The following STARD13 variants were observed in gnomAD, a reference collection of about 807,000 sequenced individuals.
STARD13 encodes StAR related lipid transfer domain containing 13.
In STARD13, 62 loss-of-function variants were observed where a neutral mutation model predicts 106.4. The observed-to-expected ratio is 0.58, with a 90% CI of 0.48 to 0.72. STARD13 has a LOEUF of 0.72. STARD13 is among the 30% of genes least tolerant of loss of function. The probability of loss-of-function intolerance (pLI) is 0.00; values close to 1 mark genes in which losing one functional copy is unlikely to be tolerated. For missense variants in STARD13, 1,387 were observed against 1,424.0 expected, an observed-to-expected ratio of 0.97 and a Z score of 0.42; for synonymous variants, 565 against 553.0, an observed-to-expected ratio of 1.02 and a Z score of -0.31.
chr13:33,465,202 T>A, the STARD13 span, among the ~76,000 whole-genome samples: 10 of 27,352 alleles, frequency 3.7e-4, no homozygotes, highest in African/African-American at 1.2e-3. Context: ...GGTCTTCTTC[T>A]TTTTTTTTTT....
chr13:33,292,128 C>T (rs564748406), intron 1 of STARD13, among the ~76,000 whole-genome samples: 15 of 152,222 alleles, frequency 9.9e-5, no homozygotes, highest in Non-Finnish European at 2.1e-4. Flanking sequence ...GGGGTAAAAT[C>T]CATTCACAGA....
At chr13:33,414,207 T>C in the STARD13 span, among the ~76,000 whole-genome samples, 2 of 152,196 alleles carry the variant, frequency 1.3e-5, no homozygotes, top group Admixed American at 1.3e-4. Context: ...AGAGAAACTA[T>C]ATCCCTCTGA....
the STARD13 span, among the ~76,000 whole-genome samples, chr13:33,386,965 C>T: frequency 6.6e-6 from 1 of 152,070 alleles, no homozygotes; most frequent in Non-Finnish European, 1.5e-5. Flanking sequence ...CATAGGCCTG[C>T]TAATATCTTG....
chr13:33,654,471 A>G, the STARD13 span, among the ~76,000 whole-genome samples: 2 of 151,822 alleles, frequency 1.3e-5, no homozygotes, highest in African/African-American at 2.4e-5. Context: ...GGGGAAGGGG[A>G]GAATGGGGGC....
At chr13:33,187,279 G>T (rs1594073610) in intron 1 of STARD13, among the ~76,000 whole-genome samples, 1 of 152,210 alleles carries the variant, frequency 6.6e-6, no homozygotes. Flanking sequence ...GAGTTGCTGA[G>T]AACTGCCCAC....
chr13:33,651,283 C>T, the STARD13 span, among the ~76,000 whole-genome samples: 26 of 152,036 alleles, frequency 1.7e-4, no homozygotes, highest in Admixed American at 1.7e-3. Context: ...CGAATTATTC[C>T]CCAACTCACT....
chr13:33,295,803 G>A (rs1333274938), intron 1 of STARD13, among the ~76,000 whole-genome samples: 5 of 152,274 alleles, frequency 3.3e-5, no homozygotes, highest in Admixed American at 6.5e-5. Context: ...ATACCTGGGC[G>A]AGAAGGCTAG....
chr13:33,271,097 T>C (rs902466510), intron 1 of STARD13, among the ~76,000 whole-genome samples: 2 of 152,200 alleles, frequency 1.3e-5, no homozygotes, highest in Non-Finnish European at 2.9e-5. Flanking sequence ...AGAACATTGA[T>C]ACTTTTTTCT....
the STARD13 span, among the ~76,000 whole-genome samples, chr13:33,420,112 C>A: frequency 3.3e-5 from 5 of 152,122 alleles, no homozygotes; most frequent in African/African-American, 1.2e-4. Context: ...CAATATTAAC[C>A]TTAAATGTAA....
intron 7 of STARD13, among the ~76,000 whole-genome samples, chr13:33,118,685 T>G (rs1463307591): frequency 6.6e-6 from 1 of 152,132 alleles, no homozygotes; most frequent in African/African-American, 2.4e-5. Flanking sequence ...GCCATGGGGA[T>G]TTTGAGAACG....
chr13:33,500,533 A>T, the STARD13 span, among the ~76,000 whole-genome samples: 242 of 152,240 alleles, frequency 1.6e-3, no homozygotes, highest in African/African-American at 5.4e-3. Context: ...AATGCACCTG[A>T]ACAGAATGTA....
chr13:33,172,017 T>C (rs888189712), intron 1 of STARD13, among the ~76,000 whole-genome samples: 5 of 151,138 alleles, frequency 3.3e-5, no homozygotes, highest in African/African-American at 1.2e-4. Flanking sequence ...CACATGAACA[T>C]ATTATCATGT....
At chr13:33,461,587 G>A in the STARD13 span, among the ~76,000 whole-genome samples, 1 of 152,134 alleles carries the variant, frequency 6.6e-6, no homozygotes, top group Non-Finnish European at 1.5e-5. Flanking sequence ...TGCCTGCTAG[G>A]AATCCTAAGT....
At chr13:33,502,197 G>T in the STARD13 span, among the ~76,000 whole-genome samples, 2 of 152,080 alleles carry the variant, frequency 1.3e-5, no homozygotes, top group Non-Finnish European at 2.9e-5. Flanking sequence ...TCTTTTATTG[G>T]TGTACAGGAA....
the STARD13 span, among the ~76,000 whole-genome samples, chr13:33,364,716 C>A: frequency 3.3e-4 from 50 of 152,184 alleles, no homozygotes; most frequent in African/African-American, 1.2e-3. Flanking sequence ...GGTGAAACCC[C>A]GTCTGTACTA....
chr13:33,499,604 T>TTCTTCTTTCTTC, the STARD13 span, among the ~76,000 whole-genome samples: 17 of 39,858 alleles, frequency 4.3e-4, no homozygotes, highest in South Asian at 1.1e-3. Flanking sequence ...CTTCTTCTTC[T>TTCTTCTTTCTTC]TTCTTCTTCT....
chr13:33,532,156 T>G, the STARD13 span, among the ~76,000 whole-genome samples: 2 of 152,270 alleles, frequency 1.3e-5, no homozygotes, highest in Admixed American at 1.3e-4. Flanking sequence ...TTCAGGAAGA[T>G]CTCATAGTCA....
chr13:33,216,907 G>A (rs1244070243), intron 1 of STARD13, among the ~76,000 whole-genome samples: 4 of 152,272 alleles, frequency 2.6e-5, no homozygotes, highest in East Asian at 1.9e-4. Flanking sequence ...AGGGACATTC[G>A]AATCCCTGGC....
At chr13:33,491,361 T>C in the STARD13 span, among the ~76,000 whole-genome samples, 2 of 152,182 alleles carry the variant, frequency 1.3e-5, no homozygotes, top group East Asian at 3.9e-4. Flanking sequence ...ATCAGAGCAG[T>C]CCCTTAAGAA....
Sources: gnomAD v4.1 joint callset for allele counts (sites outside exome capture counted in the v4.1 genomes callset) on GRCh38, gnomAD v4.1.1 for gene constraint, MANE v1.5 for transcripts, NCBI Gene and HGNC (gene_info 2026-07-23, HGNC 2026-07-21) for gene names.